Variants in SBF2 observed in about 807,000 individuals in gnomAD.
SBF2 encodes myotubularin-related protein 13.
Under a neutral mutation model 225.2 loss-of-function variants are expected in SBF2, and 112 were observed. The observed-to-expected ratio is 0.50, with a 90% CI of 0.43 to 0.58. The LOEUF is 0.58. SBF2 is among the 20% of genes least tolerant of loss of function. The pLI is 0.00. For missense variants in SBF2, 1,996 were observed against 2,206.2 expected (o/e 0.90, Z 1.91); for synonymous variants, 763 against 773.3 (o/e 0.99, Z 0.22).
chr11:9,878,041 C>T (rs1268653015), intron 17 of SBF2, among the ~76,000 whole-genome samples: 1 of 152,198 alleles, frequency 6.6e-6, no homozygotes, highest in Non-Finnish European at 1.5e-5. Context: ...TATTTCTCCA[C>T]ATCCGCTCCA....
chr11:9,922,742 GTTTT>G (rs1424040006), intron 16 of SBF2, among the ~76,000 whole-genome samples: 1 of 152,028 alleles, frequency 6.6e-6, no homozygotes, highest in Admixed American at 6.6e-5. Context: ...GAATGAGCTC[GTTTT>G]TTTCTCTTTT....
chr11:9,939,988 A>C (rs1865154324), intron 16 of SBF2, among the ~76,000 whole-genome samples: 1 of 152,184 alleles, frequency 6.6e-6, no homozygotes, highest in Admixed American at 6.5e-5. Flanking sequence ...TTGACACTGA[A>C]TCTCTTGATA....
intron 17 of SBF2, among the ~76,000 whole-genome samples, chr11:9,883,689 T>C (rs1232096522): frequency 6.6e-6 from 1 of 152,216 alleles, no homozygotes; most frequent in Non-Finnish European, 1.5e-5. Context: ...GTCTTCGATG[T>C]TGAGGTTCCT....
chr11:9,939,797 T>C (rs1420011087), intron 16 of SBF2, among the ~76,000 whole-genome samples: 1 of 152,128 alleles, frequency 6.6e-6, no homozygotes, highest in Non-Finnish European at 1.5e-5. Context: ...TGTTGAAATT[T>C]TGTTCAAAGG....
chr11:10,154,791 T>C (rs564190144), intron 2 of SBF2, among the ~76,000 whole-genome samples: 3 of 152,202 alleles, frequency 2.0e-5, no homozygotes, highest in Non-Finnish European at 4.4e-5. Context: ...GCTAGCCTAA[T>C]GGCCTTAGAA....
chr11:10,250,089 T>A (rs1046910539), intron 1 of SBF2, among the ~76,000 whole-genome samples: 1 of 152,124 alleles, frequency 6.6e-6, no homozygotes, highest in South Asian at 2.1e-4. Context: ...ATCATAATTA[T>A]GGTTAAGTTT....
chr11:9,970,024 A>G (rs907764937), intron 13 of SBF2, among the ~76,000 whole-genome samples: 1 of 152,138 alleles, frequency 6.6e-6, no homozygotes, highest in African/African-American at 2.4e-5. Context: ...GTTAAGCAGG[A>G]TTAGATCTCA....
chr11:10,260,509 G>A (rs1961320991), intron 1 of SBF2, among the ~76,000 whole-genome samples: 1 of 152,020 alleles, frequency 6.6e-6, no homozygotes, highest in African/African-American at 2.4e-5. Flanking sequence ...GAGGTCAGGA[G>A]ATGGAGACCA....
chr11:9,922,387 T>C (rs189285372), intron 16 of SBF2, among the ~76,000 whole-genome samples: 183 of 152,374 alleles, frequency 1.2e-3, no homozygotes, highest in Non-Finnish European at 2.2e-3. Flanking sequence ...TTTTCTCTTA[T>C]ATGCCAGTAC....
At chr11:9,804,388 A>G (rs539043195) in intron 32 of SBF2, among the ~76,000 whole-genome samples, 1 of 152,258 alleles carries the variant, frequency 6.6e-6, no homozygotes, top group African/African-American at 2.4e-5. Context: ...CTGGAACTCT[A>G]GTTTACTGAG....
intron 16 of SBF2, among the ~76,000 whole-genome samples, chr11:9,943,690 T>A (rs542010499): frequency 3.3e-5 from 5 of 152,146 alleles, no homozygotes; most frequent in African/African-American, 1.2e-4. Flanking sequence ...CCTTTTATAA[T>A]CACTGGACTG....
intron 2 of SBF2, among the ~76,000 whole-genome samples, chr11:10,076,846 C>T (rs1400765592): frequency 6.6e-6 from 1 of 152,220 alleles, no homozygotes; most frequent in Non-Finnish European, 1.5e-5. Context: ...GGGGACAGCA[C>T]TTGTGCTTGG....
At chr11:10,044,873 T>C (rs1302905562) in intron 2 of SBF2, among the ~76,000 whole-genome samples, 1 of 152,220 alleles carries the variant, frequency 6.6e-6, no homozygotes, top group Non-Finnish European at 1.5e-5. Context: ...AGCACCCTTC[T>C]GCAGAAGTAA....
At chr11:10,075,889 A>C (rs6483966) in intron 2 of SBF2, among the ~76,000 whole-genome samples, 2 of 151,488 alleles carry the variant, frequency 1.3e-5, no homozygotes, top group African/African-American at 4.9e-5. Flanking sequence ...ACAGAAAACC[A>C]TTTCTGGTAG....
At chr11:9,896,223 G>A (rs1157353253) in intron 16 of SBF2, among the ~76,000 whole-genome samples, 1 of 152,160 alleles carries the variant, frequency 6.6e-6, no homozygotes, top group Non-Finnish European at 1.5e-5. Flanking sequence ...TGTGTGTGAA[G>A]CACATTCTTT....
chr11:10,228,833 A>G (rs1958693431), intron 1 of SBF2, among the ~76,000 whole-genome samples: 1 of 152,180 alleles, frequency 6.6e-6, no homozygotes, highest in African/African-American at 2.4e-5. Flanking sequence ...TGGCCTCATA[A>G]AATGAGTTAG....
At chr11:9,878,442 G>A (rs1170825297) in intron 17 of SBF2, among the ~76,000 whole-genome samples, 1 of 152,030 alleles carries the variant, frequency 6.6e-6, no homozygotes, top group Non-Finnish European at 1.5e-5. Flanking sequence ...CATTGCTTTT[G>A]GTGTTTTAGT....
Position 9,999,331 on chromosome 11 carries a change from A to AT in SBF2, c.862-953dup, listed in dbSNP as rs201960369. 6.9e-4 allele frequency among the ~76,000 whole-genome samples: 97 copies of AT among 140,962 alleles called. 1 individual carries two copies. Among genetic ancestry groups the AT allele is most frequent in the African/African-American group, 2.3e-3 (85 of 36,818 alleles). The allele number at this position is 140,962 out of a possible 152,430, so 92.5% of individuals were successfully genotyped here. On this transcript the variant is annotated intron_variant, in intron 8 of 39. Transcript: ENST00000256190. ...TATGTATGTATGTATGTATGTATGT[A>AT]TTTATTTTTGAGACAGAGTCTTACT...
At chr11:9,832,455 G>T in intron 26 of SBF2, 35 bp from the exon 27 acceptor site, 1 of 1,515,602 alleles carries the variant, frequency 6.6e-7, no homozygotes, top group Non-Finnish European at 9.2e-7. Context: ...AGAATGATTG[G>T]GGGAAGGAAC....
Sources: gnomAD v4.1 joint callset for allele counts (sites outside exome capture counted in the v4.1 genomes callset) on GRCh38, gnomAD v4.1.1 for gene constraint, MANE v1.5 for transcripts, NCBI Gene and HGNC (gene_info 2026-07-23, HGNC 2026-07-21) for gene names.